SIGLEC9: variants seen among roughly 807,000 people sequenced by gnomAD.
SIGLEC9 encodes the protein sialic acid-binding Ig-like lectin 9.
In SIGLEC9, 26 loss-of-function variants were observed where a neutral mutation model predicts 38.3. The observed-to-expected ratio is 0.68, with a 90% CI of 0.50 to 0.94. The LOEUF (loss-of-function observed/expected upper bound fraction) is 0.94, where lower values mean the gene tolerates loss of function less well. SIGLEC9 is among the 40% of genes least tolerant of loss of function. SIGLEC9 has a pLI of 0.00. For synonymous variants in SIGLEC9, 236 were observed against 248.0 expected (o/e 0.95, Z 0.45); for missense variants, 556 against 585.7 (o/e 0.95, Z 0.52).
Position 51,130,152 on chromosome 19 carries a change from T to C in SIGLEC9, c.*73T>C. On this transcript the variant is annotated 3_prime_UTR_variant, in exon 7 of 7. Coordinates refer to ENST00000250360, the MANE Select transcript of SIGLEC9 (RefSeq NM_014441.3). ...CAAGGGAGAAGTCAGAGGCTGATTC[T>C]TGTAGAATTAACAGCCCTCAACGTG... is the stretch of plus-strand genomic sequence containing the variant. 6.6e-7 allele frequency: 1 copy of C among 1,517,618 alleles called. No individual in the cohort carries two copies. The highest frequency in any genetic ancestry group is 2.3e-5 in the East Asian group (1 of 43,462). 94.0% of individuals were successfully genotyped at this position (1,517,618 alleles called of 1,614,324 possible). A position where few individuals can be genotyped will look rare whatever the true frequency, so the allele number is the denominator to read the frequency against.
chr19:51,124,372 GAAGCTCC>G (rs1379275141), upstream of SIGLEC9, among the ~76,000 whole-genome samples: 1 of 152,036 alleles, frequency 6.6e-6, no homozygotes, highest in African/African-American at 2.4e-5. Context: ...CCCCCCAACT[GAAGCTCC>G]TGCCGTGGAC....
chr19:51,125,993 T>C (rs1351634868), intron 2 of SIGLEC9, 88 bp from the exon 3 acceptor site: 37 of 1,580,302 alleles, frequency 2.3e-5, no homozygotes, highest in Non-Finnish European at 2.5e-5. Context: ...TGGCTCTGCC[T>C]TCCCTGTTTA....
At chr19:51,128,725 C>A in intron 6 of SIGLEC9, 1 of 497,584 alleles carries the variant, frequency 2.0e-6, no homozygotes, top group Non-Finnish European at 3.6e-6. Flanking sequence ...TTGCTGAGGC[C>A]TGAGGATCTC....
At position 51,125,666 on chromosome 19, in the gene SIGLEC9, G is replaced by C; in HGVS notation, c.491G>C (p.Cys164Ser). 2 of 1,613,828 alleles carry C rather than the reference G, an allele frequency of 1.2e-6. No individual in the cohort carries two copies. The highest frequency in any genetic ancestry group is 1.7e-6 in the Non-Finnish European group (2 of 1,179,996). Residue 164 changes from cysteine to serine, a missense_variant, in exon 2 of 7, where the codon TGC (cysteine) becomes TCC (serine). Coordinates refer to ENST00000250360, the MANE Select transcript of SIGLEC9 (RefSeq NM_014441.3). ...TCCGGCTGCCCCCAGAATCTGACCT[G>C]CTCTGTGCCCTGGGCCTGTGAGCAG... The part of the protein sequence containing the change: ...LESGCPQNLT[C>S]SVPWACEQGT...
chr19:51,127,467 G>A (rs1043141137), intron 4 of SIGLEC9, among the ~76,000 whole-genome samples, 171 bp downstream of exon 4: 1 of 152,138 alleles, frequency 6.6e-6, no homozygotes, highest in African/African-American at 2.4e-5. Flanking sequence ...TTCCTGCCAG[G>A]GAAGGGTTGT....
At chr19:51,123,797 C>A (rs2091957960), upstream of SIGLEC9, among the ~76,000 whole-genome samples, 2 of 152,192 alleles carry the variant, frequency 1.3e-5, no homozygotes, top group Non-Finnish European at 2.9e-5. Flanking sequence ...AAAAATATTT[C>A]TAGAAAACTG....
chr19:51,129,918 G>A lies in SIGLEC9; in HGVS notation c.1231G>A (p.Asp411Asn). ...QGPLTEPWAE[D>N]SPPDQPPPAS... is the part of the protein sequence containing the mutation. ...GCCCCTGACTGAACCTTGGGCAGAAGACAGTCCCCCAGACCAGCCTCCCCC... is the reference window on the plus strand; with the variant it reads ...GCCCCTGACTGAACCTTGGGCAGAAAACAGTCCCCCAGACCAGCCTCCCCC... Residue 411 changes from aspartate (D) to asparagine (N), a missense_variant, in exon 7 of 7, where the codon GAC becomes AAC. Asp to Asn is a conservative substitution (Grantham distance 23). Transcript: ENST00000250360. 2 of 1,606,840 alleles carry A rather than the reference G, an allele frequency of 1.2e-6. No individual in the cohort carries two copies. Among genetic ancestry groups the A allele is most frequent in the Non-Finnish European group, 1.7e-6 (2 of 1,176,560 alleles).
rs200548105 is a variant in SIGLEC9, at chr19:51,125,162, G to A, written c.188G>A (p.Arg63Gln). 7.1e-5 allele frequency: 114 copies of A among 1,613,934 alleles called. No homozygotes were observed. Among genetic ancestry groups the A allele is most frequent in the Non-Finnish European group, 8.9e-5 (105 of 1,180,016 alleles). The change falls in exon 1 of 7, where the codon CGG becomes CAG. Residue 63 changes from arginine to glutamine, a missense_variant. Arg to Gln is a conservative substitution (Grantham distance 43). Transcript: ENST00000250360. ...CCAGTAGTTCATGGCTACTGGTTCCGGGAAGGGGCCAATACAGACCAGGAT... is the reference window on the plus strand; with the variant it reads ...CCAGTAGTTCATGGCTACTGGTTCCAGGAAGGGGCCAATACAGACCAGGAT... ...PGPVVHGYWFREGANTDQDAP... is the reference protein window; with the variant it reads ...PGPVVHGYWFQEGANTDQDAP...
downstream of SIGLEC9, among the ~76,000 whole-genome samples, chr19:51,134,147 C>CTTTTTTTTTTT (rs71185802): frequency 2.2e-3 from 148 of 66,520 alleles, 7 homozygotes; most frequent in Non-Finnish European, 3.2e-3. Context: ...TCTTTCTTTT[C>CTTTTTTTTTTT]TTTTTTTTTT....
In SIGLEC9 at chr19:51,125,628, A is replaced by C; in HGVS notation, c.453A>C (p.Pro151=). 1 of 1,612,514 alleles carries C rather than the reference A, an allele frequency of 6.2e-7. No individual in the cohort carries two copies. The highest frequency in any genetic ancestry group is 2.2e-5 in the East Asian group (1 of 44,854). The change falls in exon 2 of 7, where the codon CCA becomes CCC. Residue 151 remains proline, a synonymous_variant. Coordinates refer to ENST00000250360, the MANE Select transcript of SIGLEC9 (RefSeq NM_014441.3). ...CCCACAGGCCCAACATCCTCATCCC[A>C]GGCACCCTGGAGTCCGGCTGCCCCC... ...ALTHRPNILI[P]GTLESGCPQN... is the part of the protein sequence containing the mutation.
At chr19:51,126,328 C>A (rs66544068) in intron 3 of SIGLEC9, among the ~76,000 whole-genome samples, 200 bp downstream of exon 3, 4,303 of 152,006 alleles carry the variant, frequency 0.028, 92 homozygotes, top group Non-Finnish European at 0.044. Flanking sequence ...CCACACACCC[C>A]CCCCTCAGCC....
At chr19:51,119,819 C>T in the SIGLEC9 span, among the ~76,000 whole-genome samples, 1 of 152,176 alleles carries the variant, frequency 6.6e-6, no homozygotes, top group South Asian at 2.1e-4. Flanking sequence ...TGGGGCAGTG[C>T]CTGGTGCTCA....
At chr19:51,124,729 G>A (rs1039936544), upstream of SIGLEC9, among the ~76,000 whole-genome samples, 8 of 152,126 alleles carry the variant, frequency 5.3e-5, no homozygotes, top group Admixed American at 5.2e-4. Flanking sequence ...ATCTGGGTGA[G>A]TCTGTCTCCC....
At chr19:51,135,984 T>C (rs1451389324) in exon 7 of SIGLEC9, 7 of 703,068 alleles carry the variant, frequency 1.0e-5, no homozygotes. Context: ...TTTATTGGAT[T>C]TCCTACATTC....
chr19:51,135,385 A>G (rs1403668596), intron 6 of SIGLEC9, among the ~76,000 whole-genome samples: 4 of 152,188 alleles, frequency 2.6e-5, no homozygotes, highest in Admixed American at 2.0e-4. Flanking sequence ...GTTTTCTTTA[A>G]GAATGCTGAA....
chr19:51,126,102 T>C lies in SIGLEC9; in HGVS notation c.722T>C (p.Met241Thr), dbSNP rs1362024339. Residue 241 changes from methionine (M) to threonine (T), a missense_variant, in exon 3 of 7, where the codon ATG becomes ACG. Coordinates refer to ENST00000250360, the MANE Select transcript of SIGLEC9 (RefSeq NM_014441.3). ...CCAGACCCGCCTCAGAACTTGACCATGACTGTCTTCCAAGGAGACGGCACA... is the reference window on the plus strand; with the variant it reads ...CCAGACCCGCCTCAGAACTTGACCACGACTGTCTTCCAAGGAGACGGCACA... ...NVSYPPQNLT[M>T]TVFQGDGTVS... The C allele has an allele frequency of 2.5e-6, 4 of 1,613,916 alleles. No individual in the cohort carries two copies. Among genetic ancestry groups the C allele is most frequent in the Non-Finnish European group, 3.4e-6 (4 of 1,179,954 alleles).
downstream of SIGLEC9, among the ~76,000 whole-genome samples, chr19:51,130,892 C>T: frequency 6.6e-6 from 1 of 152,198 alleles, no homozygotes; most frequent in Admixed American, 6.5e-5. Context: ...ATACCTCAGT[C>T]CTTGCACACT....
At chr19:51,122,038 G>A (rs1164794159), upstream of SIGLEC9, among the ~76,000 whole-genome samples, 4 of 151,796 alleles carry the variant, frequency 2.6e-5, no homozygotes, top group Non-Finnish European at 5.9e-5. The surrounding 1 kb of genome is among the most constrained non-coding windows in gnomAD (Gnocchi z 4.1). Context: ...GTGACTCCTC[G>A]GCACCCTCAG....
Position 51,130,049 on chromosome 19 carries a change from C to T in SIGLEC9, c.1362C>T (p.Thr454=), listed in dbSNP as rs112699642. 4.8e-4 allele frequency: 778 copies of T among 1,613,090 alleles called. 4 individuals carry two copies. In the African/African-American group the frequency reaches 6.1e-3, roughly 13 times the overall value. ...WDSRGQEATD[T]EYSEIKIHR is the part of the protein sequence containing the mutation. ...CGCGGGGACAGGAGGCCACTGACAC[C>T]GAGTACTCGGAGATCAAGATCCACA... The change falls in exon 7 of 7, where the codon ACC becomes ACT. Residue 454 remains threonine, a synonymous_variant. Transcript: ENST00000250360.
Sources: gnomAD v4.1 joint callset for allele counts (sites outside exome capture counted in the v4.1 genomes callset) on GRCh38, gnomAD v4.1.1 for gene constraint, Gnocchi (gnomAD v3.1) non-coding constraint, MANE v1.5 for transcripts, NCBI Gene and HGNC (gene_info 2026-07-23, HGNC 2026-07-21) for gene names.